EPM2A: variants seen among roughly 807,000 people sequenced by gnomAD.
EPM2A encodes the protein laforin.
In EPM2A, 21 loss-of-function variants were observed where a neutral mutation model predicts 26.5. The observed-to-expected ratio is 0.79, with a 90% CI of 0.56 to 1.14. The LOEUF is 1.14. Ranked by LOEUF, EPM2A falls within the 50% of genes most tolerant of loss-of-function variation. The probability of loss-of-function intolerance (pLI) is 0.00; values close to 1 mark genes in which losing one functional copy is unlikely to be tolerated. For synonymous variants in EPM2A, 217 were observed against 177.6 expected (o/e 1.22, Z -1.76); for missense variants, 458 against 440.8 (o/e 1.04, Z -0.35).
intron 1 of EPM2A, among the ~76,000 whole-genome samples, chr6:145,693,573 A>G (rs376241768): frequency 7.2e-5 from 11 of 151,960 alleles, no homozygotes; most frequent in African/African-American, 2.7e-4. Flanking sequence ...CCTACTGGGT[A>G]CAATGTACAC....
At chr6:145,411,025 G>C (rs1403934928) in intron 4 of EPM2A, among the ~76,000 whole-genome samples, 1 of 152,202 alleles carries the variant, frequency 6.6e-6, no homozygotes, top group African/African-American at 2.4e-5. Flanking sequence ...AGAGATATGA[G>C]ATAAAAGAAG....
At chr6:145,520,183 C>T (rs1055227630) in intron 2 of EPM2A, among the ~76,000 whole-genome samples, 1 of 152,120 alleles carries the variant, frequency 6.6e-6, no homozygotes, top group African/African-American at 2.4e-5. Context: ...TGTTTTCCTA[C>T]TTCTTTTTCT....
intron 2 of EPM2A, among the ~76,000 whole-genome samples, chr6:145,514,568 T>C (rs1038095847): frequency 6.6e-6 from 1 of 152,166 alleles, no homozygotes; most frequent in Non-Finnish European, 1.5e-5. Context: ...ACTATAACAG[T>C]TATATTTGCC....
chr6:145,409,518 A>C (rs1778615286), intron 4 of EPM2A, among the ~76,000 whole-genome samples: 1 of 152,210 alleles, frequency 6.6e-6, no homozygotes, highest in Admixed American at 6.5e-5. Flanking sequence ...TAAAATTTCA[A>C]AGAAGTGTTC....
At chr6:145,611,785 T>C (rs1173554701) in intron 2 of EPM2A, among the ~76,000 whole-genome samples, 1 of 152,078 alleles carries the variant, frequency 6.6e-6, no homozygotes, top group East Asian at 1.9e-4. Flanking sequence ...GAACTGGTGG[T>C]CACATCTGGT....
intron 4 of EPM2A, chr6:145,489,511 G>T: frequency 1.7e-6 from 1 of 586,248 alleles, no homozygotes. Context: ...AAACAATTCA[G>T]CACAACAACA....
At chr6:145,501,797 T>C in exon 4 of EPM2A, 1 of 471,138 alleles carries the variant, frequency 2.1e-6, no homozygotes, top group Non-Finnish European at 4.4e-6. Flanking sequence ...GTTAGGGAGA[T>C]ATTTGTGTCT....
intron 2 of EPM2A, among the ~76,000 whole-genome samples, chr6:145,590,727 A>T (rs1379578181): frequency 6.6e-6 from 1 of 152,148 alleles, no homozygotes. Context: ...CATGAAATAC[A>T]TCCTACCTCC....
At chr6:145,432,064 C>T (rs1043508312) in intron 4 of EPM2A, among the ~76,000 whole-genome samples, 2 of 152,188 alleles carry the variant, frequency 1.3e-5, no homozygotes, top group Non-Finnish European at 2.9e-5. Context: ...AATTCAGTCA[C>T]ATCTTCAGGA....
chr6:145,416,309 T>G (rs962433998), intron 4 of EPM2A, among the ~76,000 whole-genome samples: 4 of 152,072 alleles, frequency 2.6e-5, no homozygotes, highest in Admixed American at 1.3e-4. Flanking sequence ...CGTTTGTGAT[T>G]ATCTTAAACA....
At chr6:145,732,105 G>C (rs1030973595) in intron 1 of EPM2A, among the ~76,000 whole-genome samples, 2 of 151,830 alleles carry the variant, frequency 1.3e-5, no homozygotes, top group Non-Finnish European at 2.9e-5. Flanking sequence ...AAATGATTAA[G>C]GTTTTTAAGA....
At chr6:145,619,829 A>G (rs959751698) in intron 2 of EPM2A, among the ~76,000 whole-genome samples, 4 of 152,388 alleles carry the variant, frequency 2.6e-5, no homozygotes, top group Admixed American at 2.6e-4. Flanking sequence ...AGCATAAGTC[A>G]GTGTTAAAGT....
chr6:145,626,510 C>G lies in EPM2A; in HGVS notation c.*906G>C, dbSNP rs1775819022. 1 of 985,854 alleles carries G rather than the reference C, an allele frequency of 1.0e-6. No homozygotes were observed. Among genetic ancestry groups the G allele is most frequent in the Non-Finnish European group, 1.2e-6 (1 of 829,908 alleles). 61.1% of individuals were successfully genotyped at this position (985,854 alleles called of 1,614,324 possible). ...TTTGGCAACTGATCAGAATACTATT[C>G]TATGTCTCGCTATAGAAACTCCTGC... On this transcript the variant is annotated 3_prime_UTR_variant, in exon 4 of 4. Transcript: ENST00000367519.
intron 1 of EPM2A, among the ~76,000 whole-genome samples, chr6:145,691,502 A>G (rs1312194240): frequency 1.3e-5 from 2 of 152,134 alleles, no homozygotes; most frequent in African/African-American, 4.8e-5. Flanking sequence ...TCTAAACAAA[A>G]AGAAACTCTT....
At chr6:145,734,911 CG>C (rs1355652481) in intron 1 of EPM2A, 4 of 212,660 alleles carry the variant, frequency 1.9e-5, no homozygotes, top group South Asian at 1.8e-4. Flanking sequence ...ACTGGATGTG[CG>C]GAAACCAGGT....
intron 4 of EPM2A, among the ~76,000 whole-genome samples, chr6:145,410,272 A>G (rs1342896850): frequency 6.6e-6 from 1 of 152,156 alleles, no homozygotes; most frequent in Non-Finnish European, 1.5e-5. Flanking sequence ...AGAAGAAGAC[A>G]TGGGGGAACA....
At chr6:145,461,991 G>C (rs942244553) in intron 4 of EPM2A, among the ~76,000 whole-genome samples, 1 of 152,184 alleles carries the variant, frequency 6.6e-6, no homozygotes, top group Non-Finnish European at 1.5e-5. Context: ...CAGGAGCCAG[G>C]CTGCTGGATT....
chr6:145,717,793 C>G (rs1261061157), intron 1 of EPM2A, among the ~76,000 whole-genome samples: 7 of 150,706 alleles, frequency 4.6e-5, no homozygotes, highest in Admixed American at 1.3e-4. Flanking sequence ...AATCAATGTA[C>G]AAAAATCACA....
chr6:145,595,705 A>C (rs185566699), intron 2 of EPM2A, among the ~76,000 whole-genome samples: 5 of 152,278 alleles, frequency 3.3e-5, no homozygotes, highest in Admixed American at 6.5e-5. Context: ...TGATTTTGAA[A>C]TGTCACCTTT....
Sources: gnomAD v4.1 joint callset for allele counts (sites outside exome capture counted in the v4.1 genomes callset) on GRCh38, gnomAD v4.1.1 for gene constraint, MANE v1.5 for transcripts, NCBI Gene and HGNC (gene_info 2026-07-23, HGNC 2026-07-21) for gene names.